Variants in FERMT1 observed in about 807,000 individuals in gnomAD.
The protein encoded by FERMT1 is FERM domain containing kindlin 1.
In FERMT1, 60 loss-of-function variants were observed where a neutral mutation model predicts 85.3. The ratio of observed to expected loss-of-function variants is 0.70; its 90% CI spans 0.57 to 0.87. The LOEUF (loss-of-function observed/expected upper bound fraction) is 0.87, where lower values mean the gene tolerates loss of function less well. Ranked by LOEUF, FERMT1 falls within the 40% of genes least tolerant of loss-of-function variation. FERMT1 has a pLI of 0.00. For synonymous variants in FERMT1, 275 were observed against 301.1 expected (o/e 0.91, Z 0.90); for missense variants, 701 against 818.9 (o/e 0.86, Z 1.76).
rs781628043 is a variant in FERMT1 at position 6,110,498 on chromosome 20, T to C, written c.546A>G (p.Leu182=). 2.5e-6 allele frequency: 4 copies of C among 1,613,454 alleles called. No homozygotes were observed. In the African/African-American group the frequency reaches 5.3e-5, roughly 22 times the overall value. Residue 182 remains leucine (L), a synonymous_variant, in exon 5 of 15, where the codon TTA becomes TTG. Transcript: ENST00000217289. ...ATATAGGGGTCATGGTTTTACTGTA[T>C]AAACCAGGACTTACTGCAAGGCAGG... ...TASGSSVSPG[L]YSKTMTPIYD...
intron 14 of FERMT1, among the ~76,000 whole-genome samples, chr20:6,079,069 T>C (rs1035791898): frequency 2.0e-5 from 3 of 152,214 alleles, no homozygotes; most frequent in African/African-American, 7.2e-5. Flanking sequence ...TTTTTGGATT[T>C]ATTTTGCATA....
At chr20:6,078,095 T>G (rs1296140032) in intron 14 of FERMT1, among the ~76,000 whole-genome samples, 3 of 152,248 alleles carry the variant, frequency 2.0e-5, no homozygotes, top group Admixed American at 2.0e-4. Flanking sequence ...TTAGAGACTT[T>G]GCTGGTTCAC....
At chr20:6,084,305 A>AT in intron 12 of FERMT1, 141 bp from the exon 13 acceptor site, 1 of 928,610 alleles carries the variant, frequency 1.1e-6, no homozygotes, top group East Asian at 2.7e-5. Context: ...TCATCCATTC[A>AT]TTCTCTCTCT....
chr20:6,118,071 A>G (rs370043413), intron 2 of FERMT1, among the ~76,000 whole-genome samples: 7 of 152,364 alleles, frequency 4.6e-5, no homozygotes, highest in East Asian at 3.9e-4. Flanking sequence ...CCCAACAGAA[A>G]TGATCTCTGA....
chr20:6,110,555 G>T (rs1388351531), intron 4 of FERMT1, 44 bp from the exon 5 acceptor site: 2 of 1,410,706 alleles, frequency 1.4e-6, no homozygotes, highest in Non-Finnish European at 2.0e-6. Context: ...AGAATCCAGG[G>T]ATATAAATCT....
At position 6,107,073 on chromosome 20, in the gene FERMT1, G is replaced by A. The variant is rs189807811; in HGVS notation, c.849+459C>T. ...TAGCTGGGCATGGTTGCATGAGCCT[G>A]TAGTTCCAGCTACTCAGGAGGCTGA... On this transcript the variant is annotated intron_variant, in intron 6 of 14. Transcript: ENST00000217289. Among the ~76,000 whole-genome samples, 576 of 152,064 alleles carry A rather than the reference G, an allele frequency of 3.8e-3. 2 individuals are homozygous for A. The highest frequency in any genetic ancestry group is 0.014 in the African/African-American group (562 of 41,506).
At chr20:6,120,487 A>G (rs1194515281) in intron 1 of FERMT1, 1 of 152,270 alleles carries the variant, frequency 6.6e-6, no homozygotes, top group African/African-American at 2.4e-5. Context: ...TTCAGGGGGT[A>G]ACTGGAACAC....
At position 6,094,921 on chromosome 20, in the gene FERMT1, C is replaced by T. The variant is rs1982461448; in HGVS notation, c.1139+18G>A. On this transcript the variant is annotated intron_variant, in intron 9 of 14. Transcript: ENST00000217289. ...CTTTGTTATGAGTAACTCCTTTTCC[C>T]CATAAAAGTTTACTTACCTAAATAA... 7.5e-7 allele frequency: 1 copy of T among 1,341,488 alleles called. No individual in the cohort carries two copies. 83.1% of individuals were successfully genotyped at this position (1,341,488 alleles called of 1,614,324 possible).
intron 9 of FERMT1, among the ~76,000 whole-genome samples, chr20:6,091,340 A>G (rs551186628): frequency 6.6e-6 from 1 of 151,332 alleles, no homozygotes; most frequent in East Asian, 2.0e-4. Context: ...AGCGGTCCTC[A>G]TGCCCCAGCC....
intron 6 of FERMT1, among the ~76,000 whole-genome samples, chr20:6,103,769 T>C (rs1982724645): frequency 2.4e-5 from 1 of 41,038 alleles, no homozygotes; most frequent in South Asian, 4.0e-4. Flanking sequence ...TTGTTATAGT[T>C]TTTTTTTTTT....
chr20:6,119,007 G>A (rs187474554), intron 2 of FERMT1, among the ~76,000 whole-genome samples: 1 of 151,564 alleles, frequency 6.6e-6, no homozygotes, highest in African/African-American at 2.4e-5. Flanking sequence ...GAGTGCAGTG[G>A]CACGATCTTG....
Position 6,123,021 on chromosome 20 carries a change from C to G in FERMT1, c.-266G>C, listed in dbSNP as rs1182292733. On this transcript the variant is annotated 5_prime_UTR_variant, in exon 1 of 15. Coordinates refer to ENST00000217289, the MANE Select transcript of FERMT1 (RefSeq NM_017671.5). Reference sequence around the variant, plus strand: ...CTGCCCCCAGCCTGGCGCGGCGTGCCCGGTGCACTGCACGGCCCCAGCGGC... The same window carrying G: ...CTGCCCCCAGCCTGGCGCGGCGTGCGCGGTGCACTGCACGGCCCCAGCGGC... 1 of 152,260 alleles carries G rather than the reference C, an allele frequency of 6.6e-6. No individual in the cohort carries two copies. The highest frequency in any genetic ancestry group is 1.9e-4 in the East Asian group (1 of 5,178). 9.4% of individuals were successfully genotyped at this position (152,260 alleles called of 1,614,324 possible).
intron 2 of FERMT1, among the ~76,000 whole-genome samples, chr20:6,118,755 G>A (rs1983179028): frequency 6.6e-6 from 1 of 152,108 alleles, no homozygotes; most frequent in Admixed American, 6.5e-5. Flanking sequence ...GTAAACGGTG[G>A]ATAAGTGTTG....
At chr20:6,102,844 T>C (rs919923814) in intron 6 of FERMT1, among the ~76,000 whole-genome samples, 4 of 152,104 alleles carry the variant, frequency 2.6e-5, no homozygotes, top group Middle Eastern at 3.4e-3. Flanking sequence ...CAACCAACAA[T>C]AAAAATAAAT....
At chr20:6,113,979 A>G (rs80165029) in intron 3 of FERMT1, among the ~76,000 whole-genome samples, 5,759 of 152,208 alleles carry the variant, frequency 0.038, 368 homozygotes, top group African/African-American at 0.13. Flanking sequence ...CTTTAACTAC[A>G]CTAGTGGCTA....
At chr20:6,085,464 T>G (rs1982150295) in intron 11 of FERMT1, among the ~76,000 whole-genome samples, 177 bp from the exon 12 acceptor site, 1 of 152,148 alleles carries the variant, frequency 6.6e-6, no homozygotes. Flanking sequence ...CTAACAGTAG[T>G]TTTTGAGTCC....
Position 6,077,345 on chromosome 20 carries a change from A to G in FERMT1, c.1862T>C (p.Val621Ala). Residue 621 changes from valine to alanine, a missense_variant and splice_region_variant, in exon 15 of 15, where the codon GTG becomes GCG. Physicochemically the swap from Val to Ala is moderately conservative, Grantham distance 64. Coordinates refer to ENST00000217289, the MANE Select transcript of FERMT1 (RefSeq NM_017671.5). ...QWNVNWETRQ[V>A]VIEFDQNVFT... ...GACGTTTTGGTCAAACTCGATGACC[A>G]CCTGGAAGAGGAAGGCACAGAGAAG... is the stretch of plus-strand genomic sequence containing the variant. 3 of 1,614,148 alleles carry G rather than the reference A, an allele frequency of 1.9e-6. No individual in the cohort carries two copies. The highest frequency in any genetic ancestry group is 2.5e-6 in the Non-Finnish European group (3 of 1,180,022).
At chr20:6,108,321 T>C (rs951552136) in intron 5 of FERMT1, among the ~76,000 whole-genome samples, 5 of 152,236 alleles carry the variant, frequency 3.3e-5, no homozygotes, top group African/African-American at 1.2e-4. Context: ...ATACTGAACC[T>C]GTATAACAAA....
At chr20:6,083,004 G>A (rs939368094) in intron 13 of FERMT1, among the ~76,000 whole-genome samples, 3 of 152,136 alleles carry the variant, frequency 2.0e-5, no homozygotes, top group Non-Finnish European at 2.9e-5. Context: ...TGGAGGAATG[G>A]AGTCTTTGGA....
Sources: allele counts gnomAD v4.1 joint callset (sites outside exome capture counted in the v4.1 genomes callset), GRCh38; gene constraint gnomAD v4.1.1; transcripts MANE v1.5; gene names NCBI Gene and HGNC (gene_info 2026-07-23, HGNC 2026-07-21).